The following ATP10D variants were observed in gnomAD, a reference collection of about 807,000 sequenced individuals.
ATP10D encodes phospholipid-transporting ATPase VD.
ATP10D carries 89 observed loss-of-function variants against 144.8 expected under a neutral mutation model. The observed-to-expected ratio is 0.61, with a 90% CI of 0.52 to 0.73. The LOEUF (loss-of-function observed/expected upper bound fraction) is 0.73, where lower values mean the gene tolerates loss of function less well. ATP10D is among the 30% of genes least tolerant of loss of function. The pLI, the probability that ATP10D is intolerant of heterozygous loss-of-function variation, is 0.00. For missense variants in ATP10D, 1,603 were observed against 1,714.8 expected (o/e 0.93, Z 1.15); for synonymous variants, 571 against 615.1 (o/e 0.93, Z 1.06).
rs1413024428 is a variant in ATP10D, at chr4:47,515,518, G to A, written c.333G>A (p.Trp111Ter). 6.2e-7 allele frequency: 1 copy of A among 1,613,890 alleles called. No homozygotes were observed. Among genetic ancestry groups the A allele is most frequent in the Non-Finnish European group, 8.5e-7 (1 of 1,179,840 alleles). The change falls in exon 3 of 23, where the codon TGG becomes TGA. Residue 111 changes from tryptophan (W) to a stop codon, truncating the protein, a stop_gained. Transcript: ENST00000273859. LOFTEE classifies it high-confidence loss of function. ...LYFLFLVVLN[W>*]VPLVEAFQKE... ...TCCTGTTCCTAGTTGTCCTGAACTG[G>A]GTACCTTTGGTAGAAGCCTTCCAAA... is the stretch of plus-strand genomic sequence containing the variant.
intron 22 of ATP10D, 107 bp downstream of exon 22, chr4:47,587,313 T>A: frequency 1.0e-6 from 1 of 993,712 alleles, no homozygotes; most frequent in Non-Finnish European, 1.5e-6. Flanking sequence ...TGTTTAGTAG[T>A]GAGAAAGTCA....
At chr4:47,573,598 G>A (rs1345127998) in intron 18 of ATP10D, among the ~76,000 whole-genome samples, 5 of 152,080 alleles carry the variant, frequency 3.3e-5, no homozygotes, top group Non-Finnish European at 5.9e-5. Context: ...AGAAATCCAG[G>A]CCTCTAATCT....
chr4:47,516,834 G>T (rs556002746), intron 3 of ATP10D, among the ~76,000 whole-genome samples: 69 of 152,214 alleles, frequency 4.5e-4, no homozygotes, highest in Non-Finnish European at 8.5e-4. Context: ...TGAAATAATG[G>T]TATAAGTCAT....
intron 1 of ATP10D, among the ~76,000 whole-genome samples, chr4:47,502,337 G>A (rs997997883): frequency 3.3e-5 from 5 of 152,198 alleles, no homozygotes; most frequent in South Asian, 4.1e-4. Flanking sequence ...TGGGCGTGGT[G>A]GCGGGCGCCT....
chr4:47,586,082 A>G lies in ATP10D; in HGVS notation c.3754-937A>G, dbSNP rs572818569. Among the ~76,000 whole-genome samples the G allele has an allele frequency of 7.7e-4, 118 of 152,332 alleles. 1 individual carries two copies. The South Asian group carries it at 0.024, about 31-fold the overall frequency. ...TTGAGGAACCTCCAAACTGTTCTCC[A>G]TAGTGGCTGTACTAACTTACATTCC... On this transcript the variant is annotated intron_variant, in intron 21 of 22. Coordinates refer to ENST00000273859, the MANE Select transcript of ATP10D (RefSeq NM_020453.4).
intron 4 of ATP10D, among the ~76,000 whole-genome samples, chr4:47,524,793 G>A: frequency 1.3e-5 from 2 of 152,290 alleles, no homozygotes; most frequent in South Asian, 4.1e-4. Context: ...GTGCATAATA[G>A]ATTTTAGTGC....
intron 1 of ATP10D, among the ~76,000 whole-genome samples, chr4:47,499,123 C>A: frequency 6.6e-6 from 1 of 152,154 alleles, no homozygotes; most frequent in East Asian, 1.9e-4. Flanking sequence ...ACATACATAT[C>A]AAAGTTTGTC....
At position 47,536,423 on chromosome 4, in the gene ATP10D, G is replaced by C. The variant is rs756312350; in HGVS notation, c.1016-14G>C. On this transcript the variant is annotated splice_polypyrimidine_tract_variant and intron_variant, in intron 7 of 22. Transcript: ENST00000273859. ...TATTTAGCATCCTTTTGATGTCTGT[G>C]TATTTTTTGAAAGGTCATGGAATCT... 2 of 1,610,550 alleles carry C rather than the reference G, an allele frequency of 1.2e-6. No individual in the cohort carries two copies. The highest frequency in any genetic ancestry group is 1.3e-5 in the African/African-American group (1 of 74,828).
intron 1 of ATP10D, among the ~76,000 whole-genome samples, chr4:47,506,123 C>G (rs575514012): frequency 1.3e-5 from 2 of 152,022 alleles, no homozygotes; most frequent in East Asian, 3.9e-4. Flanking sequence ...TTAATATCTT[C>G]TAGAAAAAAT....
At chr4:47,560,860 A>C (rs1719258910) in intron 13 of ATP10D, 89 bp from the exon 14 acceptor site, 11 of 1,497,292 alleles carry the variant, frequency 7.3e-6, no homozygotes, top group South Asian at 1.2e-5. Context: ...AAACAAGTTG[A>C]TGGTTTGATA....
intron 3 of ATP10D, among the ~76,000 whole-genome samples, chr4:47,522,624 C>T (rs1452064384): frequency 6.6e-6 from 1 of 152,204 alleles, no homozygotes; most frequent in East Asian, 1.9e-4. Flanking sequence ...AGCTGGAGTG[C>T]AGTGGTGTGA....
At chr4:47,530,556 A>C (rs1381015578) in intron 5 of ATP10D, among the ~76,000 whole-genome samples, 1 of 152,118 alleles carries the variant, frequency 6.6e-6, no homozygotes, top group Non-Finnish European at 1.5e-5. Context: ...TCCTGGTTCA[A>C]GCAACTGTTG....
At chr4:47,501,438 T>A (rs1033427747) in intron 1 of ATP10D, among the ~76,000 whole-genome samples, 10 of 152,230 alleles carry the variant, frequency 6.6e-5, no homozygotes, top group Non-Finnish European at 1.5e-4. Context: ...CTTTATTTTT[T>A]CAAATGAAGC....
intron 5 of ATP10D, 144 bp downstream of exon 5, chr4:47,525,786 C>T: frequency 3.1e-6 from 2 of 635,412 alleles, no homozygotes; most frequent in Non-Finnish European, 2.7e-6. Context: ...AATAGTTTGG[C>T]TTATTTTAAT....
Position 47,512,756 on chromosome 4 carries a change from G to A in ATP10D, c.216G>A (p.Val72=). ...ATGAGAAGTTCTCCGGAGCCTATGT[G>A]AACAATCGAATACGAACAACAAAGT... is the stretch of plus-strand genomic sequence containing the variant. ...DEYEKFSGAY[V]NNRIRTTKYT... is the part of the protein sequence containing the mutation. The change falls in exon 2 of 23, where the codon GTG becomes GTA. Residue 72 remains valine (V), a synonymous_variant. Coordinates refer to ENST00000273859, the MANE Select transcript of ATP10D (RefSeq NM_020453.4). The A allele has an allele frequency of 1.9e-6, 3 of 1,614,166 alleles. No individual in the cohort carries two copies. The highest frequency in any genetic ancestry group is 2.5e-6 in the Non-Finnish European group (3 of 1,180,000).
chr4:47,559,666 G>A (rs538532820), intron 13 of ATP10D, among the ~76,000 whole-genome samples: 1 of 152,164 alleles, frequency 6.6e-6, no homozygotes, highest in African/African-American at 2.4e-5. Context: ...AGGGAAAGTG[G>A]GATCTGTTGT....
chr4:47,529,582 C>T (rs1475652272), intron 5 of ATP10D, among the ~76,000 whole-genome samples: 1 of 152,080 alleles, frequency 6.6e-6, no homozygotes, highest in Non-Finnish European at 1.5e-5. Context: ...TGTGGTACCT[C>T]CAGCTTTTTT....
chr4:47,504,859 G>T (rs1278027145), intron 1 of ATP10D, among the ~76,000 whole-genome samples: 2 of 152,202 alleles, frequency 1.3e-5, no homozygotes, highest in Admixed American at 6.5e-5. Flanking sequence ...GAAATCCATA[G>T]ATACGAAATT....
At chr4:47,514,057 A>G (rs1716501740) in intron 2 of ATP10D, among the ~76,000 whole-genome samples, 1 of 152,240 alleles carries the variant, frequency 6.6e-6, no homozygotes, top group Admixed American at 6.5e-5. Context: ...TAACAGAAAA[A>G]TGAAAAACAA....
Sources: allele counts gnomAD v4.1 joint callset (sites outside exome capture counted in the v4.1 genomes callset), GRCh38; gene constraint gnomAD v4.1.1; transcripts MANE v1.5; gene names NCBI Gene and HGNC (gene_info 2026-07-23, HGNC 2026-07-21).